The following DISC1 variants were observed in gnomAD, a reference collection of about 807,000 sequenced individuals.
DISC1 encodes the protein disrupted in schizophrenia 1 protein.
In DISC1, 57 loss-of-function variants were observed where a neutral mutation model predicts 84.5. The observed-to-expected ratio is 0.67, with a 90% CI of 0.55 to 0.84. The LOEUF is 0.84. Among genes scored for constraint, DISC1 ranks in the 40% least tolerant of loss-of-function variants. DISC1 has a pLI of 0.00. For missense variants in DISC1, 1,000 were observed against 1,057.8 expected, an observed-to-expected ratio of 0.95 and a Z score of 0.76; for synonymous variants, 411 against 415.2, an observed-to-expected ratio of 0.99 and a Z score of 0.12.
Position 231,848,040 on chromosome 1 carries a change from G to A in DISC1, c.1981+29523G>A, listed in dbSNP as rs1373248388. The stretch of plus-strand genomic sequence containing the variant: ...TTTAGGTGGGATTCATCAAAAGGAG[G>A]CAGTTTGCCTGAGGTCCCTTCCCTG... On this transcript the variant is annotated intron_variant, in intron 9 of 12. Coordinates refer to ENST00000439617, the MANE Select transcript of DISC1 (RefSeq NM_018662.3). Among the ~76,000 whole-genome samples, 4 of 152,210 alleles carry A rather than the reference G, an allele frequency of 2.6e-5. No individual in the cohort carries two copies. In the East Asian group the frequency reaches 7.7e-4, roughly 29 times the overall value.
intron 9 of DISC1, among the ~76,000 whole-genome samples, chr1:231,835,611 G>A (rs1159565880): frequency 6.6e-6 from 1 of 152,188 alleles, no homozygotes; most frequent in Non-Finnish European, 1.5e-5. Flanking sequence ...CAGGTCACAG[G>A]GGATATGATG....
At chr1:231,938,700 G>C (rs1240453965) in intron 9 of DISC1, among the ~76,000 whole-genome samples, 1 of 152,176 alleles carries the variant, frequency 6.6e-6, no homozygotes, top group Non-Finnish European at 1.5e-5. Flanking sequence ...TGGCAATGCA[G>C]TACCACAGCG....
intron 6 of DISC1, among the ~76,000 whole-genome samples, chr1:231,772,741 T>C (rs532872351): frequency 6.6e-6 from 1 of 152,304 alleles, no homozygotes; most frequent in African/African-American, 2.4e-5. Flanking sequence ...TTACTGTATT[T>C]AGTGAACGAC....
intron 9 of DISC1, among the ~76,000 whole-genome samples, chr1:231,830,848 T>G (rs1208084635): frequency 1.3e-5 from 2 of 152,236 alleles, no homozygotes; most frequent in Non-Finnish European, 2.9e-5. Context: ...TGGTGAGGTG[T>G]GTTTTTAAAA....
intron 3 of DISC1, chr1:231,722,465 A>C (rs1044210288): frequency 1.6e-5 from 26 of 1,607,146 alleles, no homozygotes; most frequent in Admixed American, 1.5e-4. Context: ...CAGTGCTTCA[A>C]ATACTGTTAG....
chr1:231,969,558 G>T (rs1034896546), intron 10 of DISC1, among the ~76,000 whole-genome samples: 16 of 150,974 alleles, frequency 1.1e-4, no homozygotes, highest in African/African-American at 3.9e-4. Flanking sequence ...CAGCATTTTG[G>T]GGTGAAGATA....
intron 10 of DISC1, among the ~76,000 whole-genome samples, chr1:232,002,043 T>C (rs973102009): frequency 6.6e-6 from 1 of 151,966 alleles, no homozygotes; most frequent in African/African-American, 2.4e-5. Context: ...CACTAAAAAA[T>C]ATTGAGTAGA....
At chr1:231,642,827 G>A (rs766698595) in intron 1 of DISC1, among the ~76,000 whole-genome samples, 4 of 152,174 alleles carry the variant, frequency 2.6e-5, no homozygotes, top group Non-Finnish European at 5.9e-5. Flanking sequence ...TCAGCAGAGC[G>A]TCTGTCATTG....
intron 9 of DISC1, among the ~76,000 whole-genome samples, chr1:231,956,936 TGGACTCTAGC>T (rs573001289): frequency 3.9e-4 from 60 of 152,310 alleles, no homozygotes; most frequent in African/African-American, 1.4e-3. Context: ...ACGCAGAAAC[TGGACTCTAGC>T]CTCAGAAGAG....
At chr1:231,890,114 G>A (rs141201572) in intron 9 of DISC1, among the ~76,000 whole-genome samples, 86 of 152,284 alleles carry the variant, frequency 5.6e-4, no homozygotes, top group African/African-American at 1.9e-3. Context: ...TGCTAAAAAT[G>A]TTATTTCCTC....
chr1:231,685,950 C>G (rs1045973666), intron 1 of DISC1, among the ~76,000 whole-genome samples: 1 of 152,188 alleles, frequency 6.6e-6, no homozygotes, highest in African/African-American at 2.4e-5. Flanking sequence ...AGGGCCCATG[C>G]AAGTCCAAAA....
chr1:232,011,670 TTC>T (rs1668028342), intron 11 of DISC1, among the ~76,000 whole-genome samples: 1 of 152,138 alleles, frequency 6.6e-6, no homozygotes, highest in East Asian at 1.9e-4. Context: ...GATAGAAGTA[TTC>T]TCTCTCTTGA....
In DISC1 at chr1:231,956,576, C is replaced by T. The variant is rs533037489; in HGVS notation, c.1982-2252C>T. ...TTCTACAGTGTTTTTCCATTCCACT[C>T]AGAACACTCAAAATCCTGATAGTGG... On this transcript the variant is annotated intron_variant, in intron 9 of 12. Transcript: ENST00000439617. 2.0e-5 allele frequency among the ~76,000 whole-genome samples: 3 copies of T among 152,262 alleles called. No homozygotes were observed. The East Asian group carries it at 5.8e-4, about 29-fold the overall frequency.
At chr1:231,713,764 G>GATAT (rs1184565969) in intron 3 of DISC1, among the ~76,000 whole-genome samples, 1 of 135,678 alleles carries the variant, frequency 7.4e-6, no homozygotes, top group South Asian at 2.3e-4. Flanking sequence ...ATATATAGGA[G>GATAT]ATATATATAT....
At chr1:231,886,783 CTTTCTT>C (rs1323718896) in intron 9 of DISC1, among the ~76,000 whole-genome samples, 1 of 129,976 alleles carries the variant, frequency 7.7e-6, no homozygotes, top group Non-Finnish European at 1.7e-5. Context: ...TTCTTTCTTT[CTTTCTT>C]TCTTTCTTTC....
At chr1:231,695,683 C>T (rs555344353) in intron 2 of DISC1, among the ~76,000 whole-genome samples, 15 of 151,698 alleles carry the variant, frequency 9.9e-5, no homozygotes, top group East Asian at 5.8e-4. Flanking sequence ...CATGCATGTG[C>T]GAGTGTATTT....
In DISC1 at chr1:231,630,223, C is replaced by T. The variant is rs764680402; in HGVS notation, c.67+3289C>T. ...GGATTACAGGCATGAGCCACTGCGC[C>T]GGGCCCTTTAAACAAGATTTAAAGA... is the stretch of plus-strand genomic sequence containing the variant. On this transcript the variant is annotated intron_variant, in intron 1 of 12. Coordinates refer to ENST00000439617, the MANE Select transcript of DISC1 (RefSeq NM_018662.3). The surrounding 1 kb of genome is among the most constrained non-coding windows in gnomAD (Gnocchi z 4.4). Among the ~76,000 whole-genome samples the T allele has an allele frequency of 3.9e-5, 6 of 152,130 alleles. No individual in the cohort carries two copies. The highest frequency in any genetic ancestry group is 7.2e-5 in the African/African-American group (3 of 41,422).
intron 4 of DISC1, among the ~76,000 whole-genome samples, chr1:231,765,840 G>T (rs113051206): frequency 6.6e-6 from 1 of 152,096 alleles, no homozygotes; most frequent in African/African-American, 2.4e-5. Context: ...TGAGAAGCTC[G>T]CATCCAAGCA....
At chr1:232,000,324 A>T (rs1666525691) in intron 10 of DISC1, among the ~76,000 whole-genome samples, 1 of 152,214 alleles carries the variant, frequency 6.6e-6, no homozygotes, top group African/African-American at 2.4e-5. Context: ...CTCACTGCAT[A>T]GGCTCAATTG....
Sources: allele counts gnomAD v4.1 joint callset (sites outside exome capture counted in the v4.1 genomes callset), GRCh38; gene constraint gnomAD v4.1.1; non-coding constraint Gnocchi (gnomAD v3.1); transcripts MANE v1.5; gene names NCBI Gene and HGNC (gene_info 2026-07-23, HGNC 2026-07-21).